GALNT13: variants seen among roughly 807,000 people sequenced by gnomAD.
GALNT13 encodes the protein polypeptide N-acetylgalactosaminyltransferase 13, also known as UDP-GalNAc:polypeptide N-acetylgalactosaminyltransferase 13.
In GALNT13, 28 loss-of-function variants were observed where a neutral mutation model predicts 64.2. The observed-to-expected ratio is 0.44, with a 90% CI of 0.32 to 0.60. The LOEUF is 0.60. Among genes scored for constraint, GALNT13 ranks in the 20% least tolerant of loss-of-function variants. GALNT13 has a pLI of 0.05. For missense variants in GALNT13, 577 were observed against 669.8 expected (o/e 0.86, Z 1.53); for synonymous variants, 214 against 224.6 (o/e 0.95, Z 0.42).
At chr2:153,576,363 A>G in the GALNT13 span, among the ~76,000 whole-genome samples, 1 of 152,118 alleles carries the variant, frequency 6.6e-6, no homozygotes, top group Non-Finnish European at 1.5e-5. Context: ...CTGCCTTTCA[A>G]GGTTTCTTCA....
rs1187448845 is a variant in GALNT13, at chr2:153,885,403, A to C, written c.-177+13100A>C. The stretch of plus-strand genomic sequence containing the variant: ...GAATGTGTGTAACCAGATCCTAAAT[A>C]GAATTGTTTTAATAGAACTTTTTTC... On this transcript the variant is annotated intron_variant, in intron 1 of 12. Transcript: ENST00000392825. 2.6e-5 allele frequency among the ~76,000 whole-genome samples: 4 copies of C among 152,082 alleles called. No homozygotes were observed. The East Asian group carries it at 7.7e-4, about 29-fold the overall frequency.
At chr2:153,135,787 G>A in the GALNT13 span, among the ~76,000 whole-genome samples, 15,253 of 151,790 alleles carry the variant, frequency 0.1, 863 homozygotes, top group African/African-American at 0.14. Context: ...GTATATTTGG[G>A]GTAAGGAGAC....
At chr2:153,297,047 C>T in the GALNT13 span, among the ~76,000 whole-genome samples, 2 of 152,072 alleles carry the variant, frequency 1.3e-5, no homozygotes, top group Admixed American at 1.3e-4. Flanking sequence ...AAAAAGAATT[C>T]CTAACAAAGC....
At chr2:153,325,990 A>G in the GALNT13 span, among the ~76,000 whole-genome samples, 2 of 152,038 alleles carry the variant, frequency 1.3e-5, no homozygotes, top group South Asian at 2.1e-4. Flanking sequence ...TGGGGTGGAG[A>G]GTTCTGTAGA....
In GALNT13 at chr2:154,375,865, T is replaced by TA. The variant is rs532791464; in HGVS notation, c.1157-20123dup. Among the ~76,000 whole-genome samples the TA allele has an allele frequency of 1.7e-4, 26 of 152,320 alleles. No individual in the cohort carries two copies. In the East Asian group the frequency reaches 4.8e-3, roughly 28 times the overall value. On this transcript the variant is annotated intron_variant, in intron 9 of 12. Transcript: ENST00000392825. ...TCCATCTACTGGATACTTTGAGTAA[T>TA]AAAGACTATGAGAATCCACATGACA...
the GALNT13 span, chr2:153,761,910 A>T: frequency 5.7e-6 from 1 of 173,922 alleles, no homozygotes; most frequent in Non-Finnish European, 1.3e-5. Context: ...GGTCCTTTTC[A>T]TCTAACTCAA....
rs146815883 is a variant in GALNT13, at chr2:153,977,044, A to G, written c.142+32405A>G. ...GTTATTTTTAATATTGCTTTTGTCA[A>G]TAAGGGAATATTTTTCTTTGAGAAA... On this transcript the variant is annotated intron_variant, in intron 3 of 12. Coordinates refer to ENST00000392825, the MANE Select transcript of GALNT13 (RefSeq NM_052917.4). Among the ~76,000 whole-genome samples, 33 of 152,248 alleles carry G rather than the reference A, an allele frequency of 2.2e-4. No homozygotes were observed. In the East Asian group the frequency reaches 5.4e-3, roughly 25 times the overall value.
chr2:153,743,193 T>C, the GALNT13 span, among the ~76,000 whole-genome samples: 2 of 152,152 alleles, frequency 1.3e-5, no homozygotes, highest in Admixed American at 1.3e-4. Flanking sequence ...ATAGAGGTTG[T>C]GTTAATTAAA....
chr2:153,795,704 T>C, the GALNT13 span, among the ~76,000 whole-genome samples: 1 of 152,218 alleles, frequency 6.6e-6, no homozygotes, highest in African/African-American at 2.4e-5. Context: ...TTCATGGAAA[T>C]CCACTGTTGA....
chr2:153,353,263 G>T, the GALNT13 span, among the ~76,000 whole-genome samples: 2 of 151,928 alleles, frequency 1.3e-5, no homozygotes, highest in African/African-American at 4.8e-5. Context: ...TTCATTACTG[G>T]CATATAGGAA....
At chr2:153,328,603 T>A in the GALNT13 span, among the ~76,000 whole-genome samples, 1 of 152,156 alleles carries the variant, frequency 6.6e-6, no homozygotes, top group Non-Finnish European at 1.5e-5. Flanking sequence ...TTGTTTACAT[T>A]GTGAGGGGAA....
chr2:154,442,046 TTC>T (rs113055622), intron 12 of GALNT13, among the ~76,000 whole-genome samples: 9,487 of 152,170 alleles, frequency 0.062, 436 homozygotes, highest in East Asian at 0.23. Context: ...AATAATTAGA[TTC>T]TCTTTCAGTG....
the GALNT13 span, among the ~76,000 whole-genome samples, chr2:153,439,977 A>G: frequency 2.0e-5 from 3 of 152,070 alleles, no homozygotes; most frequent in Non-Finnish European, 4.4e-5. Context: ...ACTTTTTAAA[A>G]CATACTTTTA....
chr2:154,328,662 C>T (rs112133144), intron 9 of GALNT13, among the ~76,000 whole-genome samples: 156 of 152,170 alleles, frequency 1.0e-3, no homozygotes, highest in East Asian at 2.7e-3. Context: ...AATCATTCCA[C>T]GGCATATACC....
chr2:154,425,339 A>G (rs11679951), intron 11 of GALNT13, among the ~76,000 whole-genome samples: 15,026 of 152,208 alleles, frequency 0.099, 911 homozygotes, highest in Non-Finnish European at 0.14. Flanking sequence ...CTAAAATACA[A>G]TAGTTTATCT....
At chr2:153,449,237 G>A in the GALNT13 span, among the ~76,000 whole-genome samples, 1 of 152,112 alleles carries the variant, frequency 6.6e-6, no homozygotes, top group Admixed American at 6.6e-5. Flanking sequence ...AAGTTACCCA[G>A]TCTATGGTAT....
At chr2:153,754,575 C>T in the GALNT13 span, among the ~76,000 whole-genome samples, 1 of 152,112 alleles carries the variant, frequency 6.6e-6, no homozygotes, top group Non-Finnish European at 1.5e-5. Flanking sequence ...ACAGTCCCCC[C>T]ACTCTTCCCG....
the GALNT13 span, among the ~76,000 whole-genome samples, chr2:153,116,697 G>A: frequency 6.7e-6 from 1 of 150,350 alleles, no homozygotes; most frequent in Non-Finnish European, 1.5e-5. Flanking sequence ...GAATTCTAAT[G>A]TTTGGAAAGA....
At chr2:154,040,964 T>G (rs1698941356) in intron 3 of GALNT13, among the ~76,000 whole-genome samples, 1 of 140,182 alleles carries the variant, frequency 7.1e-6, no homozygotes, top group Non-Finnish European at 1.6e-5. Flanking sequence ...TACAAAGTGT[T>G]GCTATGAAAC....
Sources: gnomAD v4.1 joint callset for allele counts (sites outside exome capture counted in the v4.1 genomes callset) on GRCh38, gnomAD v4.1.1 for gene constraint, MANE v1.5 for transcripts, NCBI Gene and HGNC (gene_info 2026-07-23, HGNC 2026-07-21) for gene names.